Variants in KIAA1328 observed in about 807,000 individuals in gnomAD.
KIAA1328 encodes the protein protein hinderin.
A neutral mutation model predicts 68.1 loss-of-function variants in KIAA1328; 52 were observed. The ratio of observed to expected loss-of-function variants is 0.76; its 90% CI spans 0.61 to 0.96. The LOEUF (loss-of-function observed/expected upper bound fraction) is 0.96, where lower values mean the gene tolerates loss of function less well. Among genes scored for constraint, KIAA1328 ranks in the 40% least tolerant of loss-of-function variants. The pLI, the probability that KIAA1328 is intolerant of heterozygous loss-of-function variation, is 0.00. For missense variants in KIAA1328, 641 were observed against 677.6 expected (o/e 0.95, Z 0.60); for synonymous variants, 232 against 239.4 (o/e 0.97, Z 0.28).
chr18:36,944,942 A>AT (rs1292527912), intron 5 of KIAA1328, among the ~76,000 whole-genome samples: 1 of 152,210 alleles, frequency 6.6e-6, no homozygotes, highest in East Asian at 1.9e-4. Context: ...ATATAGATTA[A>AT]TTTTTTGAGA....
At chr18:37,061,960 GA>G (rs1458237005) in intron 6 of KIAA1328, among the ~76,000 whole-genome samples, 4 of 152,136 alleles carry the variant, frequency 2.6e-5, no homozygotes. Flanking sequence ...AGAATTCAAT[GA>G]GAAGAATCAT....
At position 37,224,993 on chromosome 18, in the gene KIAA1328, T is replaced by C; in HGVS notation, c.*2766T>C. 7.1e-6 allele frequency: 7 copies of C among 985,484 alleles called. No individual in the cohort carries two copies. Among genetic ancestry groups the C allele is most frequent in the Non-Finnish European group, 8.4e-6 (7 of 829,952 alleles). 61.0% of individuals were successfully genotyped at this position (985,484 alleles called of 1,614,324 possible). Reference sequence around the variant, plus strand: ...CAGTCCGCTTTCCAGGAGGCAAACTTGTGTTTATCCAAACCTGATCCCCAT... The same window carrying C: ...CAGTCCGCTTTCCAGGAGGCAAACTCGTGTTTATCCAAACCTGATCCCCAT... On this transcript the variant is annotated 3_prime_UTR_variant, in exon 10 of 10. Transcript: ENST00000280020.
chr18:37,133,036 A>G (rs1321716087), intron 7 of KIAA1328, among the ~76,000 whole-genome samples: 1 of 152,176 alleles, frequency 6.6e-6, no homozygotes. Context: ...TCCAGAAAAG[A>G]TAAAACTAGC....
intron 7 of KIAA1328, among the ~76,000 whole-genome samples, chr18:37,128,495 A>G (rs908560706): frequency 2.0e-5 from 3 of 152,136 alleles, no homozygotes; most frequent in Non-Finnish European, 2.9e-5. Flanking sequence ...ATCACTAATC[A>G]TACCACACCA....
At chr18:37,023,817 C>T (rs2054445747) in intron 6 of KIAA1328, among the ~76,000 whole-genome samples, 2 of 152,080 alleles carry the variant, frequency 1.3e-5, no homozygotes, top group Admixed American at 6.5e-5. Context: ...TTCCAACTTA[C>T]ATTTTAGGTT....
chr18:36,991,536 T>A (rs2053177049), intron 6 of KIAA1328, among the ~76,000 whole-genome samples: 1 of 152,248 alleles, frequency 6.6e-6, no homozygotes, highest in Admixed American at 6.5e-5. Flanking sequence ...GACAGTTTTT[T>A]CATCTTTCAG....
chr18:37,095,043 TAA>T (rs2057367035), intron 7 of KIAA1328, among the ~76,000 whole-genome samples: 7 of 151,782 alleles, frequency 4.6e-5, no homozygotes, highest in South Asian at 2.1e-4. Flanking sequence ...ATAACAATGG[TAA>T]ATACATATAC....
chr18:36,969,792 A>G (rs1179497270), intron 6 of KIAA1328, among the ~76,000 whole-genome samples: 3 of 152,104 alleles, frequency 2.0e-5, no homozygotes, highest in Admixed American at 6.6e-5. Flanking sequence ...TATGAGGCCA[A>G]CATTATCCTG....
intron 5 of KIAA1328, among the ~76,000 whole-genome samples, chr18:36,891,879 A>C (rs1246807764): frequency 6.6e-6 from 1 of 152,200 alleles, no homozygotes; most frequent in Non-Finnish European, 1.5e-5. Context: ...TACATTAGTA[A>C]ATATTAGTTT....
intron 5 of KIAA1328, among the ~76,000 whole-genome samples, chr18:36,888,250 G>A (rs2048567175): frequency 6.6e-6 from 1 of 152,056 alleles, no homozygotes; most frequent in Non-Finnish European, 1.5e-5. Context: ...TTTATGTATT[G>A]TCCATGGCTG....
At chr18:37,182,218 A>C (rs935637418) in intron 9 of KIAA1328, among the ~76,000 whole-genome samples, 3 of 152,172 alleles carry the variant, frequency 2.0e-5, no homozygotes, top group African/African-American at 7.2e-5. Flanking sequence ...ACTTTAAGAA[A>C]TATTTTTAAT....
At position 37,100,173 on chromosome 18, in the gene KIAA1328, G is replaced by A. The variant is rs530069771; in HGVS notation, c.1232+32628G>A. 3.3e-5 allele frequency among the ~76,000 whole-genome samples: 5 copies of A among 152,310 alleles called. 1 individual carries two copies. The highest frequency in any genetic ancestry group is 1.9e-4 in the East Asian group (1 of 5,168). ...CACTGGGGAGTGTTGAACAGTGGGC[G>A]CAGGGCTGTGGGTGCAGTGCACCAA... On this transcript the variant is annotated intron_variant, in intron 7 of 9. Transcript: ENST00000280020.
intron 4 of KIAA1328, among the ~76,000 whole-genome samples, chr18:36,862,153 C>T (rs2047585274): frequency 6.6e-6 from 1 of 152,286 alleles, no homozygotes; most frequent in South Asian, 2.1e-4. Flanking sequence ...ATTTTGATTA[C>T]AGTACAATAT....
chr18:36,933,207 A>T (rs2050375913), intron 5 of KIAA1328, among the ~76,000 whole-genome samples: 1 of 152,084 alleles, frequency 6.6e-6, no homozygotes, highest in Non-Finnish European at 1.5e-5. Context: ...ATATAAATAC[A>T]TTTCTACATT....
intron 6 of KIAA1328, among the ~76,000 whole-genome samples, chr18:37,034,886 A>G (rs1036081538): frequency 6.6e-6 from 1 of 152,228 alleles, no homozygotes; most frequent in African/African-American, 2.4e-5. Context: ...CTAAAGGTAC[A>G]TTGAAAAGTA....
At position 37,017,736 on chromosome 18, in the gene KIAA1328, A is replaced by T. The variant is rs150788891; in HGVS notation, c.577-49154A>T. 1.8e-3 allele frequency among the ~76,000 whole-genome samples: 269 copies of T among 152,074 alleles called. 1 individual carries two copies. The highest frequency in any genetic ancestry group is 3.0e-3 in the Non-Finnish European group (201 of 67,952). ...GAATGCCTTTCTGTCCTTTTTTAGG[A>T]TTATTAGTTTAAACTCTGTTTTGTC... is the stretch of plus-strand genomic sequence containing the variant. On this transcript the variant is annotated intron_variant, in intron 6 of 9. Coordinates refer to ENST00000280020, the MANE Select transcript of KIAA1328 (RefSeq NM_020776.3).
chr18:36,916,249 G>T (rs1176504838), intron 5 of KIAA1328, among the ~76,000 whole-genome samples: 5 of 151,780 alleles, frequency 3.3e-5, no homozygotes, highest in African/African-American at 9.7e-5. Flanking sequence ...AAAATTCATT[G>T]AATCTGTTTA....
chr18:37,141,376 C>T (rs567305813), intron 7 of KIAA1328, among the ~76,000 whole-genome samples: 1 of 152,292 alleles, frequency 6.6e-6, no homozygotes, highest in African/African-American at 2.4e-5. Flanking sequence ...ACCTTTTACT[C>T]ACCATAATGT....
chr18:36,834,851 G>GTGACTTT (rs2046619249), intron 2 of KIAA1328, among the ~76,000 whole-genome samples: 1 of 152,028 alleles, frequency 6.6e-6, no homozygotes, highest in African/African-American at 2.4e-5. Flanking sequence ...TGTGACTTAT[G>GTGACTTT]AATATTTACA....
Sources: gnomAD v4.1 joint callset for allele counts (sites outside exome capture counted in the v4.1 genomes callset) on GRCh38, gnomAD v4.1.1 for gene constraint, MANE v1.5 for transcripts, NCBI Gene and HGNC (gene_info 2026-07-23, HGNC 2026-07-21) for gene names.